The following ZDHHC14 variants were observed in gnomAD, a reference collection of about 807,000 sequenced individuals.
The protein encoded by ZDHHC14 is zDHHC palmitoyltransferase 14.
In ZDHHC14, 16 loss-of-function variants were observed where a neutral mutation model predicts 47.7. The ratio of observed to expected loss-of-function variants is 0.34; its 90% CI spans 0.23 to 0.51. ZDHHC14 has a LOEUF of 0.51. Among genes scored for constraint, ZDHHC14 ranks in the 20% least tolerant of loss-of-function variants. The pLI, the probability that ZDHHC14 is intolerant of heterozygous loss-of-function variation, is 0.97. For synonymous variants in ZDHHC14, 293 were observed against 278.9 expected, an observed-to-expected ratio of 1.05 and a Z score of -0.50; for missense variants, 515 against 662.5, an observed-to-expected ratio of 0.78 and a Z score of 2.44.
intron 1 of ZDHHC14, among the ~76,000 whole-genome samples, chr6:157,454,615 C>T (rs567040324): frequency 4.0e-5 from 6 of 151,878 alleles, no homozygotes; most frequent in South Asian, 2.1e-4. Flanking sequence ...ATTCTCCCAC[C>T]GCCTCAGCCT....
intron 2 of ZDHHC14, among the ~76,000 whole-genome samples, chr6:157,565,010 T>G (rs551666841): frequency 6.6e-6 from 1 of 152,304 alleles, no homozygotes; most frequent in South Asian, 2.1e-4. Context: ...TTTGGGAGGC[T>G]GAGGTGGGTG....
chr6:157,664,099 C>T (rs688520), intron 8 of ZDHHC14, among the ~76,000 whole-genome samples: 45,537 of 152,022 alleles, frequency 0.3, 7,507 homozygotes, highest in Non-Finnish European at 0.38. Context: ...TCCTTACCCA[C>T]GCTCCCCTGT....
At chr6:157,616,073 A>G (rs879685497) in intron 3 of ZDHHC14, among the ~76,000 whole-genome samples, 1 of 152,054 alleles carries the variant, frequency 6.6e-6, no homozygotes, top group Non-Finnish European at 1.5e-5. Context: ...CCACCCAGAG[A>G]CTTCAGGCAA....
chr6:157,400,928 T>C (rs1414466524), intron 1 of ZDHHC14, among the ~76,000 whole-genome samples: 2 of 152,216 alleles, frequency 1.3e-5, no homozygotes, highest in Admixed American at 6.5e-5. Context: ...CCCTGTCTTA[T>C]TGATCTTTGT....
chr6:157,517,755 C>T (rs1312594306), intron 1 of ZDHHC14, among the ~76,000 whole-genome samples: 2 of 152,240 alleles, frequency 1.3e-5, no homozygotes, highest in East Asian at 3.8e-4. Flanking sequence ...CCCTGCCTCG[C>T]CCTCACGGCC....
At chr6:157,392,846 A>G (rs1203782067) in intron 1 of ZDHHC14, among the ~76,000 whole-genome samples, 1 of 152,050 alleles carries the variant, frequency 6.6e-6, no homozygotes, top group South Asian at 2.1e-4. Context: ...TTCAACTGCA[A>G]TGGCACTTTT....
chr6:157,488,867 G>A (rs1779843302), intron 1 of ZDHHC14, among the ~76,000 whole-genome samples: 1 of 152,234 alleles, frequency 6.6e-6, no homozygotes, highest in Non-Finnish European at 1.5e-5. Flanking sequence ...GAGCCGCGGT[G>A]TGGAGGTGCC....
At chr6:157,501,061 T>A (rs1403312469) in intron 1 of ZDHHC14, among the ~76,000 whole-genome samples, 1 of 152,258 alleles carries the variant, frequency 6.6e-6, no homozygotes, top group Non-Finnish European at 1.5e-5. Context: ...CTAGACAGAA[T>A]CAGCACAGTT....
Position 157,504,370 on chromosome 6 carries a change from G to T in ZDHHC14, c.246-38215G>T, listed in dbSNP as rs1040142287. 2.0e-5 allele frequency among the ~76,000 whole-genome samples: 3 copies of T among 149,862 alleles called. No homozygotes were observed. The Admixed American group carries it at 2.0e-4, about 10-fold the overall frequency. On this transcript the variant is annotated intron_variant, in intron 1 of 8. Coordinates refer to ENST00000359775, the MANE Select transcript of ZDHHC14 (RefSeq NM_024630.3). The stretch of plus-strand genomic sequence containing the variant: ...AGAGACGGGGTTTTACCGTGGTCTC[G>T]ATCTCCTGACCTCGTGATCTGCCTG...
chr6:157,553,290 G>A (rs1176833628), intron 2 of ZDHHC14, among the ~76,000 whole-genome samples: 2 of 152,130 alleles, frequency 1.3e-5, no homozygotes, highest in East Asian at 3.9e-4. Context: ...TGGCTAACTC[G>A]ACTCAGCAGG....
At chr6:157,598,701 T>C (rs1278061219) in intron 3 of ZDHHC14, among the ~76,000 whole-genome samples, 1 of 152,222 alleles carries the variant, frequency 6.6e-6, no homozygotes, top group African/African-American at 2.4e-5. Flanking sequence ...TGAGAAATAA[T>C]AGCATACATC....
At chr6:157,449,825 T>G (rs965875248) in intron 1 of ZDHHC14, among the ~76,000 whole-genome samples, 1 of 152,210 alleles carries the variant, frequency 6.6e-6, no homozygotes, top group African/African-American at 2.4e-5. Context: ...GGCAAACTGC[T>G]GCTTTGAATT....
At chr6:157,647,162 G>A in intron 6 of ZDHHC14, 97 bp from the exon 7 acceptor site, 1 of 791,672 alleles carries the variant, frequency 1.3e-6, no homozygotes, top group Non-Finnish European at 2.0e-6. Flanking sequence ...GATTAAAGAT[G>A]ATTTGCATTC....
intron 1 of ZDHHC14, among the ~76,000 whole-genome samples, chr6:157,525,465 C>T (rs975680101): frequency 1.3e-5 from 2 of 152,198 alleles, no homozygotes; most frequent in Non-Finnish European, 2.9e-5. Flanking sequence ...TGCACCTGGC[C>T]TCCATTGGGC....
chr6:157,446,536 A>G (rs1778673324), intron 1 of ZDHHC14, among the ~76,000 whole-genome samples: 1 of 151,936 alleles, frequency 6.6e-6, no homozygotes, highest in African/African-American at 2.4e-5. Flanking sequence ...CGGCCTCCCG[A>G]ATAGCTGGGA....
chr6:157,669,999 A>G (rs11969884), intron 8 of ZDHHC14, among the ~76,000 whole-genome samples: 3,487 of 152,332 alleles, frequency 0.023, 128 homozygotes, highest in African/African-American at 0.079. Flanking sequence ...TGTTTAATCA[A>G]TGAGGCTGCT....
At chr6:157,539,507 C>A (rs958148776) in intron 1 of ZDHHC14, among the ~76,000 whole-genome samples, 3 of 152,120 alleles carry the variant, frequency 2.0e-5, no homozygotes, top group Non-Finnish European at 2.9e-5. Flanking sequence ...GACTGGAAGG[C>A]AAAACAGCGT....
At chr6:157,553,162 A>C (rs941891426) in intron 2 of ZDHHC14, among the ~76,000 whole-genome samples, 1 of 152,080 alleles carries the variant, frequency 6.6e-6, no homozygotes, top group Non-Finnish European at 1.5e-5. Flanking sequence ...GGCTAAACCA[A>C]CCTAACCAGA....
chr6:157,559,811 A>G lies in ZDHHC14; in HGVS notation c.406+17066A>G, dbSNP rs143562343. Among the ~76,000 whole-genome samples, 22 of 152,342 alleles carry G rather than the reference A, an allele frequency of 1.4e-4. No homozygotes were observed. The East Asian group carries it at 4.0e-3, about 28-fold the overall frequency. ...AGAGAATTAGGAGCTGTCTTTCTAC[A>G]TTGTGTCAAGTTTTAGAAATAAACA... is the stretch of plus-strand genomic sequence containing the variant. On this transcript the variant is annotated intron_variant, in intron 2 of 8. Coordinates refer to ENST00000359775, the MANE Select transcript of ZDHHC14 (RefSeq NM_024630.3).
Sources: gnomAD v4.1 joint callset for allele counts (sites outside exome capture counted in the v4.1 genomes callset) on GRCh38, gnomAD v4.1.1 for gene constraint, MANE v1.5 for transcripts, NCBI Gene and HGNC (gene_info 2026-07-23, HGNC 2026-07-21) for gene names.